SRRM4: variants seen among roughly 807,000 people sequenced by gnomAD.
SRRM4 encodes the protein serine/arginine repetitive matrix protein 4.
In SRRM4, 33 loss-of-function variants were observed where a neutral mutation model predicts 68.9. The observed-to-expected ratio is 0.48, with a 90% CI of 0.36 to 0.64. SRRM4 has a LOEUF of 0.64. Among genes scored for constraint, SRRM4 ranks in the 30% least tolerant of loss-of-function variants. The pLI is 0.00. For synonymous variants in SRRM4, 318 were observed against 318.8 expected (o/e 1.00, Z 0.03); for missense variants, 817 against 827.1 (o/e 0.99, Z 0.15).
At chr12:119,068,041 A>G (rs1953857004) in intron 1 of SRRM4, among the ~76,000 whole-genome samples, 1 of 152,236 alleles carries the variant, frequency 6.6e-6, no homozygotes, top group Non-Finnish European at 1.5e-5. Context: ...CAAGTCCACT[A>G]GGAATGTCCA....
At chr12:119,074,101 G>A (rs11064654) in intron 1 of SRRM4, among the ~76,000 whole-genome samples, 43,705 of 152,130 alleles carry the variant, frequency 0.29, 6,723 homozygotes, top group East Asian at 0.43. Context: ...ATGGCAAGGG[G>A]TGGCAGTTTC....
Position 119,154,422 on chromosome 12 carries a change from G to T in SRRM4, c.1532+39G>T. 2.5e-6 allele frequency: 4 copies of T among 1,604,048 alleles called. No individual in the cohort carries two copies. Among genetic ancestry groups the T allele is most frequent in the Non-Finnish European group, 3.4e-6 (4 of 1,174,808 alleles). Reference sequence around the variant, plus strand: ...GCAAGGGGGACCCACCTTCATCCTCGTTCCCACTCCCATTCTTACTCATTC... The same window carrying T: ...GCAAGGGGGACCCACCTTCATCCTCTTTCCCACTCCCATTCTTACTCATTC... On this transcript the variant is annotated intron_variant, in intron 12 of 12. Coordinates refer to ENST00000267260, the MANE Select transcript of SRRM4 (RefSeq NM_194286.4). This position sits in a 1 kb window ranked among gnomAD's most constrained non-coding sequence, Gnocchi z 4.7.
At chr12:119,011,593 T>C (rs1034306520) in intron 1 of SRRM4, among the ~76,000 whole-genome samples, 1 of 152,120 alleles carries the variant, frequency 6.6e-6, no homozygotes, top group Admixed American at 6.5e-5. Flanking sequence ...TAAGACAACG[T>C]TTGCAAATCA....
chr12:119,035,999 G>A (rs996477660), intron 1 of SRRM4, among the ~76,000 whole-genome samples: 1 of 152,156 alleles, frequency 6.6e-6, no homozygotes, highest in Admixed American at 6.5e-5. Flanking sequence ...AGGGAAAAGG[G>A]AAAATTCTTA....
At chr12:118,994,025 G>A (rs1039641727) in intron 1 of SRRM4, 3 of 152,166 alleles carry the variant, frequency 2.0e-5, no homozygotes, top group African/African-American at 7.2e-5. Flanking sequence ...GAACCACCAG[G>A]TTGCCTAAGG....
In SRRM4 at chr12:119,068,516, G is replaced by C. The variant is rs140167610; in HGVS notation, c.132-33720G>C. Among the ~76,000 whole-genome samples the C allele has an allele frequency of 1.9e-3, 285 of 152,258 alleles. 1 individual carries two copies. The highest frequency in any genetic ancestry group is 6.6e-3 in the African/African-American group (276 of 41,546). ...AGCTGGGCAGCTGCAGTGAGGGTGG[G>C]GGCGCCTCATCCAAACTCCACTTTC... On this transcript the variant is annotated intron_variant, in intron 1 of 12. Coordinates refer to ENST00000267260, the MANE Select transcript of SRRM4 (RefSeq NM_194286.4).
intron 2 of SRRM4, among the ~76,000 whole-genome samples, chr12:119,112,682 C>T (rs1292126337): frequency 1.3e-5 from 2 of 152,152 alleles, no homozygotes; most frequent in African/African-American, 4.8e-5. Context: ...AGCTATTATC[C>T]TCTGCAAACC....
intron 8 of SRRM4, 66 bp downstream of exon 8, chr12:119,130,900 A>C: frequency 6.6e-7 from 1 of 1,504,560 alleles, no homozygotes; most frequent in Non-Finnish European, 9.0e-7. Flanking sequence ...TGGAGGCACA[A>C]GTTCAGGGCA....
intron 1 of SRRM4, among the ~76,000 whole-genome samples, chr12:119,046,984 A>G (rs1485242065): frequency 6.8e-6 from 1 of 148,102 alleles, no homozygotes; most frequent in East Asian, 2.0e-4. Flanking sequence ...GTGAGCTGAG[A>G]TCTCGCCACT....
At chr12:119,005,292 T>C (rs1953409357) in intron 1 of SRRM4, among the ~76,000 whole-genome samples, 2 of 152,194 alleles carry the variant, frequency 1.3e-5, no homozygotes, top group Admixed American at 1.3e-4. Flanking sequence ...AACTCAGCTG[T>C]CCCACAGCTC....
chr12:118,997,380 A>T (rs887760046), intron 1 of SRRM4, among the ~76,000 whole-genome samples: 4 of 152,150 alleles, frequency 2.6e-5, no homozygotes, highest in Admixed American at 6.5e-5. Flanking sequence ...AGCTCTTTCT[A>T]TTGGCCATCA....
chr12:119,120,782 T>C (rs1184682416), intron 5 of SRRM4, among the ~76,000 whole-genome samples: 7 of 152,236 alleles, frequency 4.6e-5, no homozygotes, highest in Admixed American at 4.6e-4. Context: ...ACAGTGGATA[T>C]GTTTATTGTT....
intron 10 of SRRM4, among the ~76,000 whole-genome samples, chr12:119,153,225 A>G (rs1029360382): frequency 2.6e-5 from 4 of 152,276 alleles, no homozygotes; most frequent in African/African-American, 7.2e-5. Context: ...TCAATTTACA[A>G]TTGTCTAGGG....
At chr12:118,991,743 A>G (rs1953318105) in intron 1 of SRRM4, 1 of 152,236 alleles carries the variant, frequency 6.6e-6, no homozygotes, top group Non-Finnish European at 1.5e-5. Context: ...TGTTTGAACC[A>G]CTGGGGATGG....
intron 9 of SRRM4, among the ~76,000 whole-genome samples, chr12:119,146,523 T>G (rs1158963285): frequency 6.7e-6 from 1 of 150,350 alleles, no homozygotes; most frequent in Non-Finnish European, 1.5e-5. Context: ...GAGGCGGAGG[T>G]GGCAGTGAGC....
At position 119,021,556 on chromosome 12, in the gene SRRM4, T is replaced by A. The variant is rs189057232; in HGVS notation, c.131+39543T>A. On this transcript the variant is annotated intron_variant, in intron 1 of 12. Transcript: ENST00000267260. ...AGTGTGCACCAACTACCCCCAGTGG[T>A]CATTATTGCCAGATGTGCATTTTGA... 1.4e-4 allele frequency among the ~76,000 whole-genome samples: 21 copies of A among 152,298 alleles called. 1 individual carries two copies. The East Asian group carries it at 3.9e-3, about 28-fold the overall frequency.
At chr12:119,059,600 T>C (rs938575742) in intron 1 of SRRM4, among the ~76,000 whole-genome samples, 1 of 151,866 alleles carries the variant, frequency 6.6e-6, no homozygotes, top group Non-Finnish European at 1.5e-5. Flanking sequence ...CATTGTAGGG[T>C]GAAAGTTGAG....
intron 1 of SRRM4, among the ~76,000 whole-genome samples, chr12:119,016,478 A>T (rs910492715): frequency 1.3e-5 from 2 of 152,116 alleles, no homozygotes; most frequent in African/African-American, 4.8e-5. Flanking sequence ...AGAAAAAGAA[A>T]AAGAAAAAAT....
intron 9 of SRRM4, among the ~76,000 whole-genome samples, chr12:119,148,287 C>CACA (rs770275544): frequency 3.3e-5 from 5 of 152,178 alleles, no homozygotes; most frequent in Non-Finnish European, 7.3e-5. Flanking sequence ...GCAGAACTGC[C>CACA]TTCCCATTTG....
Sources: allele counts gnomAD v4.1 joint callset (sites outside exome capture counted in the v4.1 genomes callset), GRCh38; gene constraint gnomAD v4.1.1; non-coding constraint Gnocchi (gnomAD v3.1); transcripts MANE v1.5; gene names NCBI Gene and HGNC (gene_info 2026-07-23, HGNC 2026-07-21).